Variants in NCAM1 observed in about 807,000 individuals in gnomAD.
NCAM1 encodes the protein neural cell adhesion molecule 1, also known as antigen recognized by monoclonal antibody 5.1H11.
A neutral mutation model predicts 109.8 loss-of-function variants in NCAM1; 14 were observed. That is an observed-to-expected ratio of 0.13 (90% CI 0.08 to 0.20). The LOEUF (loss-of-function observed/expected upper bound fraction) is 0.20. Among genes scored for constraint, NCAM1 ranks in the 10% least tolerant of loss-of-function variants. The probability of loss-of-function intolerance (pLI) is 1.00; values close to 1 mark genes in which losing one functional copy is unlikely to be tolerated. For missense variants in NCAM1, 774 were observed against 1,109.9 expected (o/e 0.70, Z 4.30); for synonymous variants, 418 against 442.9 (o/e 0.94, Z 0.70).
intron 1 of NCAM1, among the ~76,000 whole-genome samples, chr11:113,184,001 G>A (rs528186210): frequency 2.0e-5 from 3 of 152,220 alleles, no homozygotes; most frequent in Non-Finnish European, 2.9e-5. Flanking sequence ...TGCTCAGAAA[G>A]ATCTATCATT....
rs183810006 is a variant in NCAM1, at chr11:113,135,481, G to A, written c.53-66898G>A. Among the ~76,000 whole-genome samples the A allele has an allele frequency of 2.8e-4, 41 of 148,494 alleles. No homozygotes were observed. In the East Asian group the frequency reaches 6.0e-3, roughly 22 times the overall value. On this transcript the variant is annotated intron_variant, in intron 1 of 19. Coordinates refer to ENST00000316851, the MANE Select transcript of NCAM1 (RefSeq NM_181351.5). The stretch of plus-strand genomic sequence containing the variant: ...AGGCTCCAGAGCAAGATAAAGATGC[G>A]CCCACTGTTCAGCTTCTTAAAATAC...
intron 1 of NCAM1, among the ~76,000 whole-genome samples, chr11:113,028,372 G>A (rs1952619113): frequency 6.6e-6 from 1 of 151,956 alleles, no homozygotes; most frequent in South Asian, 2.1e-4. Flanking sequence ...AGAATGGGAA[G>A]CCGCTTTGTG....
At chr11:113,167,282 A>G (rs1165294243) in intron 1 of NCAM1, among the ~76,000 whole-genome samples, 1 of 152,036 alleles carries the variant, frequency 6.6e-6, no homozygotes, top group Non-Finnish European at 1.5e-5. Flanking sequence ...AAGCTTCATC[A>G]CTCCCACACT....
chr11:112,975,721 G>A (rs546381441), intron 1 of NCAM1, among the ~76,000 whole-genome samples: 8 of 151,968 alleles, frequency 5.3e-5, no homozygotes, highest in Non-Finnish European at 1.0e-4. Context: ...ACCATTTGAG[G>A]TCATTTTGAA....
intron 1 of NCAM1, among the ~76,000 whole-genome samples, chr11:113,024,987 T>C (rs1258441104): frequency 3.3e-5 from 5 of 152,250 alleles, no homozygotes; most frequent in African/African-American, 1.2e-4. Context: ...TTTGAACCAA[T>C]GTTGAAATAA....
rs187566915 is a variant in NCAM1, at chr11:113,153,922, A to G, written c.53-48457A>G. Among the ~76,000 whole-genome samples, 11 of 152,306 alleles carry G rather than the reference A, an allele frequency of 7.2e-5. No individual in the cohort carries two copies. The East Asian group carries it at 1.9e-3, about 27-fold the overall frequency. On this transcript the variant is annotated intron_variant, in intron 1 of 19. Transcript: ENST00000316851. ...GGGATGGAAGGATTGACCTTAAGGC[A>G]TTGTTTGTTTATTTATTCAGTCATT...
chr11:113,049,492 C>T (rs1220383437), intron 1 of NCAM1, among the ~76,000 whole-genome samples: 4 of 152,150 alleles, frequency 2.6e-5, no homozygotes, highest in Non-Finnish European at 4.4e-5. Context: ...AACTATATCT[C>T]CCAGGAATGC....
At chr11:113,189,851 T>C (rs1271787485) in intron 1 of NCAM1, among the ~76,000 whole-genome samples, 1 of 140,728 alleles carries the variant, frequency 7.1e-6, no homozygotes, top group African/African-American at 2.7e-5. Flanking sequence ...ATAAAAATGC[T>C]ACCATAAAAA....
rs559849626 is a variant in NCAM1, at chr11:113,222,516, A to G, written c.1089+1191A>G. On this transcript the variant is annotated intron_variant, in intron 9 of 19. Transcript: ENST00000316851. ...GGATGACTGTTAAGTGCACAGCCTC[A>G]CTGAGAGGCTTCCCGCCTGTGGCAC... Among the ~76,000 whole-genome samples, 112 of 152,232 alleles carry G rather than the reference A, an allele frequency of 7.4e-4. 1 individual carries two copies. The highest frequency in any genetic ancestry group is 1.0e-3 in the Non-Finnish European group (70 of 68,020).
chr11:113,264,741 C>T (rs1946099272), intron 17 of NCAM1: 1 of 985,330 alleles, frequency 1.0e-6, no homozygotes, highest in African/African-American at 1.7e-5. Flanking sequence ...TGACGTGGCC[C>T]TGTCATCTCA....
At chr11:113,093,369 C>G (rs550844381) in intron 1 of NCAM1, among the ~76,000 whole-genome samples, 83 of 152,292 alleles carry the variant, frequency 5.5e-4, no homozygotes, top group African/African-American at 1.9e-3. Flanking sequence ...GAAAAACGCT[C>G]AAGTAGGCGT....
intron 1 of NCAM1, among the ~76,000 whole-genome samples, chr11:113,117,679 C>T (rs1282379268): frequency 1.3e-5 from 2 of 151,994 alleles, no homozygotes; most frequent in African/African-American, 2.4e-5. Context: ...TTTAAATTGG[C>T]AAAACAACCT....
chr11:113,122,744 G>A lies in NCAM1; in HGVS notation c.53-79635G>A, dbSNP rs559175705. On this transcript the variant is annotated intron_variant, in intron 1 of 19. Coordinates refer to ENST00000316851, the MANE Select transcript of NCAM1 (RefSeq NM_181351.5). ...GGTTACAGTGAGCCGAGATTGCACC[G>A]TTGCACTCCAGCCTGGGCAACAAGA... Among the ~76,000 whole-genome samples, 14 of 152,126 alleles carry A rather than the reference G, an allele frequency of 9.2e-5. No homozygotes were observed. In the South Asian group the frequency reaches 2.5e-3, roughly 27 times the overall value.
intron 14 of NCAM1, chr11:113,242,705 T>TACTC: frequency 9.9e-7 from 1 of 1,008,046 alleles, no homozygotes. Flanking sequence ...GTATAATATA[T>TACTC]ACTCACCCAT....
intron 1 of NCAM1, among the ~76,000 whole-genome samples, chr11:113,025,846 G>A (rs553729872): frequency 1.4e-5 from 2 of 144,356 alleles, no homozygotes; most frequent in African/African-American, 2.6e-5. Context: ...CTGTAAACAT[G>A]TAAGCATAAA....
intron 13 of NCAM1, 55 bp from the exon 14 acceptor site, chr11:113,234,978 C>T (rs533511530): frequency 5.8e-5 from 88 of 1,505,968 alleles, no homozygotes; most frequent in Middle Eastern, 4.2e-4. Context: ...TTTTTCAGAG[C>T]GGCTGCACCA....
chr11:113,052,743 T>G, intron 1 of NCAM1, among the ~76,000 whole-genome samples: 1 of 152,214 alleles, frequency 6.6e-6, no homozygotes, highest in East Asian at 1.9e-4. Flanking sequence ...GCAGGTTTAT[T>G]ACATAGGTAA....
intron 1 of NCAM1, among the ~76,000 whole-genome samples, chr11:113,022,084 C>A (rs988350866): frequency 2.0e-5 from 3 of 152,126 alleles, no homozygotes; most frequent in African/African-American, 7.2e-5. Context: ...TCCACCCACC[C>A]TAAATTTGAG....
intron 17 of NCAM1, chr11:113,263,044 G>T: frequency 6.8e-7 from 1 of 1,463,892 alleles, no homozygotes; most frequent in Non-Finnish European, 9.0e-7. Flanking sequence ...CAACCATTCT[G>T]TGTGGAAGAG....
Sources: gnomAD v4.1 joint callset for allele counts (sites outside exome capture counted in the v4.1 genomes callset) on GRCh38, gnomAD v4.1.1 for gene constraint, MANE v1.5 for transcripts, NCBI Gene and HGNC (gene_info 2026-07-23, HGNC 2026-07-21) for gene names.